CHD5: variants seen among roughly 807,000 people sequenced by gnomAD.
CHD5 encodes chromodomain helicase DNA binding protein 5.
In CHD5, 69 loss-of-function variants were observed where a neutral mutation model predicts 230.3. The observed-to-expected ratio is 0.30, with a 90% confidence interval of 0.25 to 0.37. The LOEUF (loss-of-function observed/expected upper bound fraction) is 0.37. Among genes scored for constraint, CHD5 ranks in the 10% least tolerant of loss-of-function variants. CHD5 has a pLI of 1.00. For missense variants in CHD5, 1,827 were observed against 2,622.8 expected (o/e 0.70, Z 6.63); for synonymous variants, 1,064 against 1,065.9 (o/e 1.00, Z 0.03).
chr1:6,110,794 A>G (rs1666275765), intron 36 of CHD5, among the ~76,000 whole-genome samples: 1 of 152,204 alleles, frequency 6.6e-6, no homozygotes, highest in African/African-American at 2.4e-5. Flanking sequence ...CCTGGGGTGC[A>G]TACGTTTAAG....
At chr1:6,150,192 T>G (rs1302131623) in intron 7 of CHD5, among the ~76,000 whole-genome samples, 5 of 107,480 alleles carry the variant, frequency 4.7e-5, no homozygotes, top group South Asian at 7.0e-4. Flanking sequence ...ATGGACAGAG[T>G]GGTAGATGGA....
intron 6 of CHD5, among the ~76,000 whole-genome samples, chr1:6,151,907 T>TA (rs1275309170): frequency 2.6e-5 from 4 of 152,066 alleles, no homozygotes; most frequent in African/African-American, 4.8e-5. Flanking sequence ...GACCTGGGCT[T>TA]AGTGTCTGAG....
chr1:6,156,653 T>TGGGGCA (rs1205746768), intron 3 of CHD5, among the ~76,000 whole-genome samples: 1 of 152,058 alleles, frequency 6.6e-6, no homozygotes, highest in Non-Finnish European at 1.5e-5. Flanking sequence ...TGCACTCTGC[T>TGGGGCA]GGGGCAGGGG....
At chr1:6,177,179 C>T (rs1314204855) in intron 1 of CHD5, among the ~76,000 whole-genome samples, 1 of 152,228 alleles carries the variant, frequency 6.6e-6, no homozygotes, top group Non-Finnish European at 1.5e-5. Flanking sequence ...AACACTAGCT[C>T]CTCCAGCCAC....
Position 6,126,908 on chromosome 1 carries a change from G to A in CHD5, c.3904-162C>T, listed in dbSNP as rs1278437636. On this transcript the variant is annotated intron_variant, in intron 25 of 41. Coordinates refer to ENST00000262450, the MANE Select transcript of CHD5 (RefSeq NM_015557.3). The surrounding 1 kb of genome is among the most constrained non-coding windows in gnomAD (Gnocchi z 5.7). Reference sequence around the variant, plus strand: ...GCCTTCTCTGATCACCCCGGCCCTAGCTAGCTTTTCTCTCCCTGCCCCTAT... The same window carrying A: ...GCCTTCTCTGATCACCCCGGCCCTAACTAGCTTTTCTCTCCCTGCCCCTAT... Among the ~76,000 whole-genome samples the A allele has an allele frequency of 1.3e-5, 2 of 152,158 alleles. No individual in the cohort carries two copies. Among genetic ancestry groups the A allele is most frequent in the Non-Finnish European group, 2.9e-5 (2 of 68,030 alleles).
chr1:6,135,484 A>T (rs1230989031), intron 17 of CHD5, 81 bp from the exon 18 acceptor site: 1 of 1,307,130 alleles, frequency 7.7e-7, no homozygotes, highest in East Asian at 2.4e-5. Context: ...TAGCCCATGT[A>T]GGCCGGCTAG....
chr1:6,119,065 TAA>T lies in CHD5; in HGVS notation c.4912+2038_4912+2039del, dbSNP rs35690342. Among the ~76,000 whole-genome samples, 667 of 145,470 alleles carry T rather than the reference TAA, an allele frequency of 4.6e-3. 4 individuals carry two copies. The highest frequency in any genetic ancestry group is 0.02 in the South Asian group (95 of 4,666). The stretch of plus-strand genomic sequence containing the variant: ...CTATATCACCATAAAGCTGTTATCT[TAA>T]AAAAAAAAAAAGGAATAGAAAAAGG... On this transcript the variant is annotated intron_variant, in intron 33 of 41. Transcript: ENST00000262450.
rs752532215 is a variant in CHD5 at position 6,142,340 on chromosome 1, G to A, written c.2236-12C>T. Reference sequence around the variant, plus strand: ...CCTTTGGAGTGGCCCTGGAGAGAGAGGCCGATGCCGTGAGACCACCTGCCC... The same window carrying A: ...CCTTTGGAGTGGCCCTGGAGAGAGAAGCCGATGCCGTGAGACCACCTGCCC... On this transcript the variant is annotated splice_polypyrimidine_tract_variant and intron_variant, in intron 14 of 41. Coordinates refer to ENST00000262450, the MANE Select transcript of CHD5 (RefSeq NM_015557.3). The surrounding 1 kb of genome is among the most constrained non-coding windows in gnomAD (Gnocchi z 5.2). The A allele has an allele frequency of 3.1e-6, 5 of 1,598,762 alleles. No homozygotes were observed. Among genetic ancestry groups the A allele is most frequent in the Non-Finnish European group, 8.6e-7 (1 of 1,167,950 alleles).
rs1212936924 is a variant in CHD5, at chr1:6,155,505, C to T, written c.506+94G>A. 7.3e-6 allele frequency: 8 copies of T among 1,097,576 alleles called. No homozygotes were observed. The highest frequency in any genetic ancestry group is 5.3e-5 in the Admixed American group (3 of 56,202). The allele number at this position is 1,097,576 out of a possible 1,614,324, so 68.0% of individuals were successfully genotyped here. A position where few individuals can be genotyped will look rare whatever the true frequency, so the allele number is the denominator to read the frequency against. ...CGGTCTGACAGAGCCCACCCCTACCCCAGGTGCCGGGGCTTCACTCCTCTG... is the reference window on the plus strand; with the variant it reads ...CGGTCTGACAGAGCCCACCCCTACCTCAGGTGCCGGGGCTTCACTCCTCTG... On this transcript the variant is annotated intron_variant, in intron 4 of 41. Coordinates refer to ENST00000262450, the MANE Select transcript of CHD5 (RefSeq NM_015557.3). This position sits in a 1 kb window ranked among gnomAD's most constrained non-coding sequence, Gnocchi z 4.0.
At chr1:6,144,842 G>A (rs1236107083) in intron 11 of CHD5, among the ~76,000 whole-genome samples, 2 of 152,242 alleles carry the variant, frequency 1.3e-5, no homozygotes, top group African/African-American at 4.8e-5. Flanking sequence ...GCTGCTGCGG[G>A]CCTGGGAACA....
intron 17 of CHD5, 81 bp from the exon 18 acceptor site, chr1:6,135,484 A>G: frequency 7.6e-7 from 1 of 1,307,248 alleles, no homozygotes; most frequent in Non-Finnish European, 1.1e-6. Context: ...TAGCCCATGT[A>G]GGCCGGCTAG....
intron 1 of CHD5, among the ~76,000 whole-genome samples, chr1:6,173,719 G>C (rs1667374846): frequency 6.6e-6 from 1 of 152,200 alleles, no homozygotes; most frequent in African/African-American, 2.4e-5. Context: ...CAGGGCGGCA[G>C]TGGTGAAGGG....
At chr1:6,144,279 C>A (rs1035397524) in intron 11 of CHD5, 124 bp from the exon 12 acceptor site, 5 of 1,361,422 alleles carry the variant, frequency 3.7e-6, no homozygotes, top group Non-Finnish European at 5.1e-6. Flanking sequence ...TGGGCCCAGC[C>A]AGGAGGAGGA....
intron 1 of CHD5, among the ~76,000 whole-genome samples, chr1:6,168,612 C>T (rs977587625): frequency 2.0e-5 from 3 of 152,200 alleles, no homozygotes; most frequent in Non-Finnish European, 2.9e-5. Flanking sequence ...GCCGGAGAAA[C>T]GGAGCATCTC....
intron 29 of CHD5, 106 bp from the exon 30 acceptor site, chr1:6,124,767 T>C (rs1666527663): frequency 1.3e-6 from 1 of 759,990 alleles, no homozygotes; most frequent in African/African-American, 1.7e-5. Flanking sequence ...TCTTCAACCA[T>C]CGCCCACCTC....
Position 6,136,255 on chromosome 1 carries a change from G to A in CHD5, c.2696+262C>T, listed in dbSNP as rs78576744. On this transcript the variant is annotated intron_variant, in intron 17 of 41. Coordinates refer to ENST00000262450, the MANE Select transcript of CHD5 (RefSeq NM_015557.3). ...GGGGAGGCAGTCCAGGAGGAACCCC[G>A]GGTGGTCTAGGGCAGAGCTAAGGAA... 7.2e-3 allele frequency among the ~76,000 whole-genome samples: 1,093 copies of A among 152,230 alleles called. 11 individuals carry two copies. Among genetic ancestry groups the A allele is most frequent in the African/African-American group, 0.025 (1,044 of 41,526 alleles).
chr1:6,124,666 G>C lies in CHD5; in HGVS notation c.4395-5C>G. On this transcript the variant is annotated splice_polypyrimidine_tract_variant and splice_region_variant and intron_variant, in intron 29 of 41. Coordinates refer to ENST00000262450, the MANE Select transcript of CHD5 (RefSeq NM_015557.3). ...ATGAAGAGGGACACATAGGCTCTGG[G>C]GTGGGGGGGGGGGACTGGGGCTCAG... 7.0e-7 allele frequency: 1 copy of C among 1,426,022 alleles called. No homozygotes were observed. Among genetic ancestry groups the C allele is most frequent in the Non-Finnish European group, 9.5e-7 (1 of 1,047,418 alleles). The allele number at this position is 1,426,022 out of a possible 1,614,324, so 88.3% of individuals were successfully genotyped here.
chr1:6,143,855 G>T lies in CHD5; in HGVS notation c.2011C>A (p.Gln671Lys). Residue 671 changes from glutamine to lysine, a missense_variant, in exon 13 of 42, where the codon CAG becomes AAG. Coordinates refer to ENST00000262450, the MANE Select transcript of CHD5 (RefSeq NM_015557.3). ...KKGKKLRDDK[Q>K]EKPPDTPIVD... ...ATGGGCGTGTCCGGCGGCTTCTCCT[G>T]CTTGTCGTCCCTCAGCTTCTTGCCC... 6.2e-7 allele frequency: 1 copy of T among 1,612,856 alleles called. No homozygotes were observed. The highest frequency in any genetic ancestry group is 8.5e-7 in the Non-Finnish European group (1 of 1,179,974).
rs938747640 is a variant in CHD5 at position 6,180,061 on chromosome 1, T to G, written c.-38A>C. 4.5e-6 allele frequency: 5 copies of G among 1,111,556 alleles called. No homozygotes were observed. The highest frequency in any genetic ancestry group is 2.3e-6 in the Non-Finnish European group (2 of 882,320). 68.9% of individuals were successfully genotyped at this position (1,111,556 alleles called of 1,614,324 possible). ...GAGGAGGGGAGGTGGGCGCCCCCCC[T>G]CCCGCCGGGCGCGGTGCCAGCCTTA... On this transcript the variant is annotated 5_prime_UTR_variant, in exon 1 of 42. Coordinates refer to ENST00000262450, the MANE Select transcript of CHD5 (RefSeq NM_015557.3).
Sources: allele counts gnomAD v4.1 joint callset (sites outside exome capture counted in the v4.1 genomes callset), GRCh38; gene constraint gnomAD v4.1.1; non-coding constraint Gnocchi (gnomAD v3.1); transcripts MANE v1.5; gene names NCBI Gene and HGNC (gene_info 2026-07-23, HGNC 2026-07-21).